The following DIAPH2 variants were observed in gnomAD, a reference collection of about 807,000 sequenced individuals.
DIAPH2 encodes protein diaphanous homolog 2.
DIAPH2 carries 35 observed loss-of-function variants against 92.7 expected under a neutral mutation model. The ratio of observed to expected loss-of-function variants is 0.38; its 90% CI spans 0.29 to 0.50. The LOEUF (loss-of-function observed/expected upper bound fraction) is 0.50. Ranked by LOEUF, DIAPH2 falls within the 20% of genes least tolerant of loss-of-function variation. The probability of loss-of-function intolerance (pLI) is 0.94; values close to 1 mark genes in which losing one functional copy is unlikely to be tolerated. For synonymous variants in DIAPH2, 301 were observed against 280.4 expected (o/e 1.07, Z -0.73); for missense variants, 701 against 819.5 (o/e 0.86, Z 1.77).
At chrX:97,527,053 G>A (rs1010177835) in intron 26 of DIAPH2, among the ~76,000 whole-genome samples, 7 of 111,658 alleles carry the variant, frequency 6.3e-5, no homozygotes, top group Admixed American at 4.8e-4. Flanking sequence ...GGTAGGCAAC[G>A]ACATATAATA....
At chrX:97,158,497 G>C (rs758603983) in intron 22 of DIAPH2, among the ~76,000 whole-genome samples, 2 of 111,975 alleles carry the variant, frequency 1.8e-5, no homozygotes, top group Non-Finnish European at 3.8e-5. Context: ...GACTAAGAGT[G>C]GATGAGTACT....
intron 1 of DIAPH2, among the ~76,000 whole-genome samples, chrX:96,688,703 C>G (rs754400889): frequency 8.9e-6 from 1 of 112,090 alleles, no homozygotes; most frequent in Non-Finnish European, 1.9e-5. Context: ...TACTGAGTAC[C>G]TACTGTGTGC....
chrX:97,349,022 GTATA>G (rs1281763013), intron 24 of DIAPH2, among the ~76,000 whole-genome samples: 2 of 105,827 alleles, frequency 1.9e-5, no homozygotes, highest in Non-Finnish European at 3.9e-5. Context: ...ATATATATGT[GTATA>G]TATATGTGTG....
At chrX:96,872,908 A>T (rs1968989589) in intron 4 of DIAPH2, among the ~76,000 whole-genome samples, 1 of 111,783 alleles carries the variant, frequency 8.9e-6, no homozygotes, top group Non-Finnish European at 1.9e-5. Context: ...TATCTCTTTG[A>T]TATACTGATT....
At chrX:97,003,334 G>C (rs1448933841) in intron 17 of DIAPH2, among the ~76,000 whole-genome samples, 2 of 111,712 alleles carry the variant, frequency 1.8e-5, no homozygotes, top group East Asian at 5.6e-4. Context: ...GAGATTGCTG[G>C]ATCATATGGT....
chrX:97,219,053 T>C (rs2067905037), intron 22 of DIAPH2, among the ~76,000 whole-genome samples: 1 of 111,531 alleles, frequency 9.0e-6, no homozygotes, highest in African/African-American at 3.3e-5. Context: ...TAGAGAGTCT[T>C]TAGAGAAATT....
chrX:96,973,235 T>C (rs1342234887), intron 17 of DIAPH2, among the ~76,000 whole-genome samples: 1 of 111,592 alleles, frequency 9.0e-6, no homozygotes, highest in Non-Finnish European at 1.9e-5. Context: ...TCGTGACTCA[T>C]GCCTATAATC....
intron 26 of DIAPH2, among the ~76,000 whole-genome samples, chrX:97,466,403 C>T (rs986341753): frequency 9.0e-6 from 1 of 111,333 alleles, no homozygotes; most frequent in Non-Finnish European, 1.9e-5. Flanking sequence ...GATACAAATA[C>T]CCAGTTAAAT....
At chrX:97,012,617 T>G (rs2147865193) in intron 17 of DIAPH2, among the ~76,000 whole-genome samples, 1 of 112,534 alleles carries the variant, frequency 8.9e-6, no homozygotes, top group Admixed American at 9.4e-5. Context: ...GTACATTTTC[T>G]AATCCAAACT....
At chrX:97,149,452 C>T (rs1444935720) in intron 22 of DIAPH2, among the ~76,000 whole-genome samples, 1 of 110,602 alleles carries the variant, frequency 9.0e-6, no homozygotes, top group East Asian at 2.9e-4. Flanking sequence ...GGATTTCAGG[C>T]CGGGCGCGGT....
intron 4 of DIAPH2, among the ~76,000 whole-genome samples, chrX:96,831,925 A>G (rs1003753768): frequency 6.3e-5 from 7 of 111,670 alleles, no homozygotes; most frequent in Non-Finnish European, 1.3e-4. Context: ...GCTTCCATCT[A>G]GAAGCACTAC....
chrX:96,889,048 A>G (rs889546086), intron 5 of DIAPH2, among the ~76,000 whole-genome samples: 1 of 111,877 alleles, frequency 8.9e-6, no homozygotes, highest in Non-Finnish European at 1.9e-5. Flanking sequence ...TAAATGAAAA[A>G]GAAACTATGA....
intron 24 of DIAPH2, among the ~76,000 whole-genome samples, chrX:97,375,227 G>A (rs780332118): frequency 2.7e-5 from 3 of 111,171 alleles, no homozygotes; most frequent in South Asian, 7.7e-4. Flanking sequence ...AGGTTGAGGC[G>A]GGTGGATCAC....
intron 15 of DIAPH2, among the ~76,000 whole-genome samples, chrX:96,949,294 T>C (rs1053059601): frequency 9.0e-6 from 1 of 111,286 alleles, no homozygotes; most frequent in African/African-American, 3.3e-5. Flanking sequence ...AAAAGTGTTT[T>C]TGAGATGAAA....
At chrX:97,013,189 A>AAC (rs1310949558) in intron 17 of DIAPH2, among the ~76,000 whole-genome samples, 1 of 112,334 alleles carries the variant, frequency 8.9e-6, no homozygotes, top group East Asian at 2.8e-4. Flanking sequence ...TGGCGTGTTC[A>AAC]CTGACAACCA....
At chrX:97,452,157 TAAA>T (rs2070364521) in intron 26 of DIAPH2, among the ~76,000 whole-genome samples, 1 of 111,170 alleles carries the variant, frequency 9.0e-6, no homozygotes, top group Non-Finnish European at 1.9e-5. Context: ...TAATATCTCT[TAAA>T]AAAAGAAACG....
intron 22 of DIAPH2, among the ~76,000 whole-genome samples, chrX:97,238,374 C>T (rs1378391531): frequency 8.9e-6 from 1 of 111,913 alleles, no homozygotes; most frequent in Admixed American, 9.5e-5. Context: ...TGTTTTCTTA[C>T]TGGATTTCCT....
At chrX:97,262,543 A>G (rs374514673) in intron 23 of DIAPH2, among the ~76,000 whole-genome samples, 3 of 112,372 alleles carry the variant, frequency 2.7e-5, no homozygotes, top group East Asian at 5.6e-4. Context: ...AGGGAAAGTC[A>G]TTAGAGAATT....
intron 22 of DIAPH2, among the ~76,000 whole-genome samples, chrX:97,174,998 G>A (rs1445276221): frequency 9.0e-6 from 1 of 111,453 alleles, no homozygotes; most frequent in Admixed American, 9.6e-5. Context: ...TGGAGGGAGA[G>A]AGGAATTTGT....
Sources: gnomAD v4.1 joint callset for allele counts (sites outside exome capture counted in the v4.1 genomes callset) on GRCh38, gnomAD v4.1.1 for gene constraint, MANE v1.5 for transcripts, NCBI Gene and HGNC (gene_info 2026-07-23, HGNC 2026-07-21) for gene names.